LIPA: variants seen among roughly 807,000 people sequenced by gnomAD.
LIPA encodes lipase A, lysosomal acid type, also known as lysosomal acid lipase/cholesteryl ester hydrolase.
Under a neutral mutation model 40.6 loss-of-function variants are expected in LIPA, and 26 were observed. The observed-to-expected ratio is 0.64, with a 90% CI of 0.47 to 0.89. The LOEUF is 0.89. Among genes scored for constraint, LIPA ranks in the 40% least tolerant of loss-of-function variants. The pLI is 0.00. For synonymous variants in LIPA, 188 were observed against 168.4 expected, an observed-to-expected ratio of 1.12 and a Z score of -0.90; for missense variants, 455 against 479.6, an observed-to-expected ratio of 0.95 and a Z score of 0.48.
chr10:89,316,706 T>C lies in LIPA; in HGVS notation c.-2+25905A>G, dbSNP rs548765450. On this transcript the variant is annotated intron_variant, in intron 1 of 5. Coordinates refer to the LIPA transcript ENST00000282673. ...CTTAAACACCCTTGTCTGACAGCTT[T>C]GAAGAGAGTAGTGGTTCTCCCAGCA... Among the ~76,000 whole-genome samples, 6 of 152,316 alleles carry C rather than the reference T, an allele frequency of 3.9e-5. No homozygotes were observed. In the South Asian group the frequency reaches 1.0e-3, roughly 26 times the overall value.
intron 1 of LIPA, chr10:89,340,376 G>A (rs1351796471): frequency 1.7e-5 from 5 of 294,264 alleles, no homozygotes; most frequent in Non-Finnish European, 3.2e-5. Context: ...GGCTAACACA[G>A]TGAAATCCCG....
exon 1 of LIPA, chr10:89,414,511 T>C: frequency 5.0e-6 from 2 of 403,158 alleles, no homozygotes; most frequent in South Asian, 1.2e-4. Context: ...GCTCTTGAGC[T>C]CTTCTATTAA....
chr10:89,258,519 A>T (rs1396043083), intron 1 of LIPA, among the ~76,000 whole-genome samples: 1 of 152,212 alleles, frequency 6.6e-6, no homozygotes, highest in Non-Finnish European at 1.5e-5. Context: ...ACCCACTAGG[A>T]TAGCTATAAT....
Position 89,310,898 on chromosome 10 carries a change from A to G in LIPA, c.-2+31713T>C, listed in dbSNP as rs745945319. Among the ~76,000 whole-genome samples, 76 of 152,236 alleles carry G rather than the reference A, an allele frequency of 5.0e-4. 1 individual carries two copies. Among genetic ancestry groups the G allele is most frequent in the Non-Finnish European group, 1.6e-4 (11 of 68,044 alleles). On this transcript the variant is annotated intron_variant, in intron 1 of 5. Transcript: ENST00000282673. ...TATGTCTCACTTGTTTTGGAAACAT[A>G]ATGAGTCATAGTTTGTGTTATTTCT...
intron 1 of LIPA, chr10:89,292,102 A>G (rs1459236087): frequency 6.6e-6 from 1 of 152,256 alleles, no homozygotes; most frequent in Non-Finnish European, 1.5e-5. Flanking sequence ...TGTGAACAAG[A>G]AATAAACTTC....
intron 2 of LIPA, chr10:89,403,390 T>C (rs751622480): frequency 1.2e-6 from 2 of 1,613,560 alleles, no homozygotes; most frequent in Admixed American, 3.3e-5. Flanking sequence ...ATGAAACCAG[T>C]GGTAGAAGAA....
At chr10:89,226,315 G>C (rs1842769884) in intron 5 of LIPA, among the ~76,000 whole-genome samples, 1 of 152,176 alleles carries the variant, frequency 6.6e-6, no homozygotes, top group Admixed American at 6.5e-5. Context: ...GTTAGTCATA[G>C]TAAACATTAA....
At chr10:89,312,584 G>T (rs150638365) in intron 1 of LIPA, among the ~76,000 whole-genome samples, 1 of 151,844 alleles carries the variant, frequency 6.6e-6, no homozygotes, top group South Asian at 2.1e-4. Context: ...TGAGGCGGGC[G>T]GATCACGAGG....
At chr10:89,286,620 T>C (rs930424689) in intron 1 of LIPA, among the ~76,000 whole-genome samples, 1 of 152,166 alleles carries the variant, frequency 6.6e-6, no homozygotes, top group African/African-American at 2.4e-5. Flanking sequence ...GTTCATGGCT[T>C]GTTTGGCATC....
intron 2 of LIPA, among the ~76,000 whole-genome samples, chr10:89,376,607 C>T (rs878926729): frequency 4.6e-5 from 7 of 152,196 alleles, no homozygotes; most frequent in Non-Finnish European, 8.8e-5. Flanking sequence ...AGACAAAATA[C>T]AAGGCCACTC....
At position 89,392,814 on chromosome 10, in the gene LIPA, G is replaced by A. The variant is rs374494435; in HGVS notation, c.61+19977C>T. ...ACAGGTTAGATCTCAGTGAGGTCAGGTTTTCTAATTCCTCGATTTGAGTAT... is the reference window on the plus strand; with the variant it reads ...ACAGGTTAGATCTCAGTGAGGTCAGATTTTCTAATTCCTCGATTTGAGTAT... On this transcript the variant is annotated intron_variant, in intron 2 of 8. Transcript: ENST00000371837. 3.9e-6 allele frequency: 5 copies of A among 1,292,120 alleles called. No homozygotes were observed. In the African/African-American group the frequency reaches 5.9e-5, roughly 15 times the overall value. 80.0% of individuals were successfully genotyped at this position (1,292,120 alleles called of 1,614,324 possible).
At chr10:89,357,473 C>T (rs1447290355) in intron 2 of LIPA, among the ~76,000 whole-genome samples, 1 of 152,220 alleles carries the variant, frequency 6.6e-6, no homozygotes, top group Non-Finnish European at 1.5e-5. Context: ...CAGACTCCTC[C>T]TAAGAAAGGC....
chr10:89,371,825 T>C (rs1844093026), intron 2 of LIPA, among the ~76,000 whole-genome samples: 1 of 152,200 alleles, frequency 6.6e-6, no homozygotes, highest in Non-Finnish European at 1.5e-5. Context: ...ATGTTCTTTT[T>C]AGCCCATCTA....
chr10:89,413,323 G>A (rs921311016), intron 1 of LIPA, among the ~76,000 whole-genome samples: 1 of 152,160 alleles, frequency 6.6e-6, no homozygotes, highest in African/African-American at 2.4e-5. Flanking sequence ...TTCTGTATAA[G>A]ACAGTACAAC....
At chr10:89,226,545 T>C (rs1842772427) in intron 5 of LIPA, among the ~76,000 whole-genome samples, 1 of 152,264 alleles carries the variant, frequency 6.6e-6, no homozygotes, top group Admixed American at 6.5e-5. Context: ...CTGTAGTTAG[T>C]TATATTCCAC....
intron 2 of LIPA, among the ~76,000 whole-genome samples, chr10:89,375,621 G>C (rs1244826201): frequency 6.6e-6 from 1 of 152,130 alleles, no homozygotes; most frequent in African/African-American, 2.4e-5. Flanking sequence ...ACCCCAGATG[G>C]AACAATGTTT....
exon 1 of LIPA, chr10:89,414,509 GCTCTT>G (rs1564816187): frequency 1.2e-5 from 5 of 401,406 alleles, no homozygotes; most frequent in East Asian, 1.2e-4. Flanking sequence ...CGGCTCTTGA[GCTCTT>G]CTATTAAGTT....
chr10:89,215,044 G>T lies in LIPA; in HGVS notation c.984C>A (p.Tyr328Ter). The change falls in exon 10 of 10, where the codon TAC (tyrosine) becomes TAA (stop). Residue 328 changes from tyrosine (Y) to a stop codon, truncating the protein, a stop_gained. Transcript: ENST00000336233. LOFTEE classifies it low-confidence loss of function (END_TRUNC). ...FHYNQSYPPT[Y>*]NVKDMLVPTA... ...TCGGCACAAGCATGTCCTTCACATT[G>T]TATGTGGGAGGATAACTCTACAATG... is the stretch of plus-strand genomic sequence containing the variant. The T allele has an allele frequency of 6.2e-7, 1 of 1,612,496 alleles. No individual in the cohort carries two copies. Among genetic ancestry groups the T allele is most frequent in the Non-Finnish European group, 8.5e-7 (1 of 1,178,492 alleles).
At chr10:89,215,382 A>G (rs907911947) in intron 9 of LIPA, among the ~76,000 whole-genome samples, 5 of 152,296 alleles carry the variant, frequency 3.3e-5, no homozygotes, top group Admixed American at 1.3e-4. Flanking sequence ...TAGTGGCTGG[A>G]AAGAGTTTGG....
Sources: allele counts gnomAD v4.1 joint callset (sites outside exome capture counted in the v4.1 genomes callset), GRCh38; gene constraint gnomAD v4.1.1; transcripts MANE v1.5; gene names NCBI Gene and HGNC (gene_info 2026-07-23, HGNC 2026-07-21).